GRM7: variants seen among roughly 807,000 people sequenced by gnomAD.
GRM7 encodes glutamate metabotropic receptor 7, also known as metabotropic glutamate receptor 7.
Under a neutral mutation model 84.5 loss-of-function variants are expected in GRM7, and 35 were observed. The ratio of observed to expected loss-of-function variants is 0.41; its 90% CI spans 0.32 to 0.55. GRM7 has a LOEUF of 0.55. Ranked by LOEUF, GRM7 falls within the 20% of genes least tolerant of loss-of-function variation. The pLI is 0.19. For missense variants in GRM7, 1,003 were observed against 1,194.6 expected, an observed-to-expected ratio of 0.84 and a Z score of 2.36; for synonymous variants, 487 against 455.1, an observed-to-expected ratio of 1.07 and a Z score of -0.89.
At chr3:7,321,555 C>A (rs1700782752) in intron 4 of GRM7, among the ~76,000 whole-genome samples, 1 of 151,176 alleles carries the variant, frequency 6.6e-6, no homozygotes, top group African/African-American at 2.4e-5. Flanking sequence ...CAAAATTTAT[C>A]TTTTTCTATT....
At chr3:7,353,990 C>G (rs1202821220) in intron 4 of GRM7, among the ~76,000 whole-genome samples, 2 of 152,114 alleles carry the variant, frequency 1.3e-5, no homozygotes, top group African/African-American at 4.8e-5. Flanking sequence ...CAGAAAACTT[C>G]CAGGTCAAGT....
intron 1 of GRM7, among the ~76,000 whole-genome samples, chr3:7,116,720 T>G (rs1435236504): frequency 6.6e-6 from 1 of 152,182 alleles, no homozygotes; most frequent in Non-Finnish European, 1.5e-5. Flanking sequence ...CTTCCCTTTT[T>G]AGATGTTGCT....
intron 2 of GRM7, among the ~76,000 whole-genome samples, chr3:7,250,738 G>T (rs941569706): frequency 6.6e-6 from 1 of 152,062 alleles, no homozygotes; most frequent in Non-Finnish European, 1.5e-5. Flanking sequence ...TGGCCAGGCT[G>T]GTCTCGAACT....
chr3:6,932,415 A>C (rs991779700), intron 1 of GRM7, among the ~76,000 whole-genome samples: 2 of 152,104 alleles, frequency 1.3e-5, no homozygotes, highest in Non-Finnish European at 2.9e-5. Context: ...AGTCTGCTGA[A>C]ATTTTAAGCA....
chr3:7,168,328 A>G (rs546916369), intron 2 of GRM7, among the ~76,000 whole-genome samples: 1 of 152,204 alleles, frequency 6.6e-6, no homozygotes, highest in East Asian at 1.9e-4. Context: ...CCAATTTCAT[A>G]TGGAAATTCT....
At chr3:7,696,378 A>C (rs961672233) in intron 9 of GRM7, among the ~76,000 whole-genome samples, 1 of 152,184 alleles carries the variant, frequency 6.6e-6, no homozygotes, top group Non-Finnish European at 1.5e-5. Flanking sequence ...AATTCTTGAA[A>C]AGGAGGCAAG....
At chr3:7,335,326 A>T (rs58368174) in intron 4 of GRM7, among the ~76,000 whole-genome samples, 6,021 of 152,226 alleles carry the variant, frequency 0.04, 247 homozygotes, top group African/African-American at 0.11. Flanking sequence ...GGGTCAACAA[A>T]GAAATTTTGA....
chr3:7,704,075 T>G (rs137880578), intron 9 of GRM7, among the ~76,000 whole-genome samples: 43 of 152,316 alleles, frequency 2.8e-4, no homozygotes, highest in African/African-American at 1.0e-3. Flanking sequence ...ATTTTTCATG[T>G]CTTAGTGCAT....
chr3:7,330,111 T>C lies in GRM7; in HGVS notation c.1033+23459T>C, dbSNP rs992463045. 5.3e-5 allele frequency among the ~76,000 whole-genome samples: 8 copies of C among 152,260 alleles called. No individual in the cohort carries two copies. The South Asian group carries it at 8.3e-4, about 16-fold the overall frequency. On this transcript the variant is annotated intron_variant, in intron 4 of 9. Transcript: ENST00000357716. Reference sequence around the variant, plus strand: ...GGCATGGGGTATCCACTTCAAAAGATAGAAGGAATTCTCTCTAAATGAACC... The same window carrying C: ...GGCATGGGGTATCCACTTCAAAAGACAGAAGGAATTCTCTCTAAATGAACC...
intron 1 of GRM7, among the ~76,000 whole-genome samples, chr3:7,108,787 A>G (rs1692742345): frequency 6.6e-6 from 1 of 152,110 alleles, no homozygotes; most frequent in Non-Finnish European, 1.5e-5. Context: ...CTTATGTGAA[A>G]GAAACAACCA....
intron 7 of GRM7, among the ~76,000 whole-genome samples, chr3:7,549,382 A>G (rs1455337516): frequency 2.6e-5 from 4 of 152,188 alleles, no homozygotes; most frequent in Admixed American, 2.6e-4. Flanking sequence ...AAAATCAATC[A>G]TAGTGTTTAT....
intron 5 of GRM7, among the ~76,000 whole-genome samples, chr3:7,437,452 G>A (rs180791749): frequency 3.3e-4 from 50 of 152,162 alleles, no homozygotes; most frequent in Middle Eastern, 3.4e-3. Context: ...CACTGCTACC[G>A]CTGCAGTCCA....
Position 7,575,156 on chromosome 3 carries a change from A to G in GRM7, c.1516-3266A>G, listed in dbSNP as rs1694898529. On this transcript the variant is annotated intron_variant, in intron 7 of 9. Transcript: ENST00000357716. ...AGTTTTTGCTATGAGATGGAGATGTAAAGTTCTGTTCTCTTGCCAAAAGCT... is the reference window on the plus strand; with the variant it reads ...AGTTTTTGCTATGAGATGGAGATGTGAAGTTCTGTTCTCTTGCCAAAAGCT... Among the ~76,000 whole-genome samples, 4 of 152,164 alleles carry G rather than the reference A, an allele frequency of 2.6e-5. No individual in the cohort carries two copies. The South Asian group carries it at 6.2e-4, about 24-fold the overall frequency.
chr3:7,087,480 T>C (rs902369699), intron 1 of GRM7, among the ~76,000 whole-genome samples: 1 of 152,106 alleles, frequency 6.6e-6, no homozygotes, highest in Non-Finnish European at 1.5e-5. Context: ...ACAAGTTTAT[T>C]TGCAGCTGAA....
At chr3:7,230,941 C>G (rs1697174425) in intron 2 of GRM7, among the ~76,000 whole-genome samples, 1 of 152,106 alleles carries the variant, frequency 6.6e-6, no homozygotes, top group Admixed American at 6.6e-5. Context: ...TCAATTGGAC[C>G]ACCAGAAACA....
chr3:7,499,415 C>T lies in GRM7; in HGVS notation c.1515+37693C>T, dbSNP rs115151930. Among the ~76,000 whole-genome samples, 477 of 152,250 alleles carry T rather than the reference C, an allele frequency of 3.1e-3. 2 individuals carry two copies. The highest frequency in any genetic ancestry group is 0.011 in the African/African-American group (450 of 41,522). On this transcript the variant is annotated intron_variant, in intron 7 of 9. Coordinates refer to ENST00000357716, the MANE Select transcript of GRM7 (RefSeq NM_000844.4). The stretch of plus-strand genomic sequence containing the variant: ...AATGAATTTGCAGACCTTTACAAAA[C>T]CATCAAACGCTGTAATCTAGAGATC...
chr3:7,375,309 C>T (rs549908634), intron 4 of GRM7, among the ~76,000 whole-genome samples: 1 of 150,896 alleles, frequency 6.6e-6, no homozygotes, highest in South Asian at 2.1e-4. Flanking sequence ...ACCTCTGCCT[C>T]CCAGGTTCAA....
chr3:7,580,628 A>T (rs3792459), intron 8 of GRM7, among the ~76,000 whole-genome samples: 9,183 of 152,200 alleles, frequency 0.06, 779 homozygotes, highest in African/African-American at 0.19. Flanking sequence ...CTGTGTTTTT[A>T]AAAAAGTAAA....
intron 1 of GRM7, among the ~76,000 whole-genome samples, chr3:7,099,263 A>G (rs1044732444): frequency 9.6e-5 from 13 of 134,854 alleles, no homozygotes; most frequent in Non-Finnish European, 9.1e-5. Context: ...TGTATTATAC[A>G]TGTATATATG....
Sources: allele counts gnomAD v4.1 joint callset (sites outside exome capture counted in the v4.1 genomes callset), GRCh38; gene constraint gnomAD v4.1.1; transcripts MANE v1.5; gene names NCBI Gene and HGNC (gene_info 2026-07-23, HGNC 2026-07-21).